The following BRAF variants were observed in gnomAD, a reference collection of about 807,000 sequenced individuals.
BRAF encodes serine/threonine-protein kinase B-raf.
Under a neutral mutation model 104.6 loss-of-function variants are expected in BRAF, and 16 were observed. The observed-to-expected ratio is 0.15, with a 90% CI of 0.10 to 0.23. The LOEUF is 0.23. Among genes scored for constraint, BRAF ranks in the 10% least tolerant of loss-of-function variants. The pLI, the probability that BRAF is intolerant of heterozygous loss-of-function variation, is 1.00. For missense variants in BRAF, 541 were observed against 937.3 expected (o/e 0.58, Z 5.52); for synonymous variants, 310 against 341.6 (o/e 0.91, Z 1.02).
rs145878342 is a variant in BRAF, at chr7:140,912,011, T to C, written c.138+12555A>G. ...CTGTCTAGACAACTCATAAAATAAC[T>C]TAATATTGCCATTAGCCTATAGTCC... On this transcript the variant is annotated intron_variant, in intron 1 of 19. Coordinates refer to ENST00000644969, the MANE Select transcript of BRAF (RefSeq NM_001374258.1). 6.6e-5 allele frequency among the ~76,000 whole-genome samples: 10 copies of C among 152,296 alleles called. No homozygotes were observed. In the East Asian group the frequency reaches 1.7e-3, roughly 26 times the overall value.
intron 2 of BRAF, among the ~76,000 whole-genome samples, chr7:140,846,011 A>G (rs75553856): frequency 0.069 from 10,446 of 152,160 alleles, 403 homozygotes; most frequent in Admixed American, 0.1. Flanking sequence ...ACCGAAAATA[A>G]TAAGTGTTGG....
chr7:140,735,396 A>T (rs1796320681), intron 18 of BRAF, among the ~76,000 whole-genome samples: 1 of 152,272 alleles, frequency 6.6e-6, no homozygotes, highest in South Asian at 2.1e-4. Flanking sequence ...TTTAAGGCAC[A>T]AAGAAACAGG....
chr7:140,774,193 A>G (rs1329606325), intron 14 of BRAF, among the ~76,000 whole-genome samples: 2 of 152,226 alleles, frequency 1.3e-5, no homozygotes, highest in Non-Finnish European at 2.9e-5. Flanking sequence ...AAAACTTGGA[A>G]TTAATACTTT....
intron 14 of BRAF, among the ~76,000 whole-genome samples, chr7:140,762,510 G>A (rs1201692840): frequency 6.7e-6 from 1 of 149,672 alleles, no homozygotes; most frequent in African/African-American, 2.5e-5. Context: ...ACATTCAAAA[G>A]CTAGCAGAAG....
At chr7:140,791,014 T>C (rs1025213762) in intron 8 of BRAF, among the ~76,000 whole-genome samples, 8 of 152,100 alleles carry the variant, frequency 5.3e-5, no homozygotes, top group Admixed American at 2.0e-4. Context: ...GGCAGGAGAA[T>C]TGCTTGAACC....
At chr7:140,912,999 C>T (rs1429307042) in intron 1 of BRAF, among the ~76,000 whole-genome samples, 1 of 152,200 alleles carries the variant, frequency 6.6e-6, no homozygotes, top group Non-Finnish European at 1.5e-5. Flanking sequence ...CTTAAATAGG[C>T]AAGGCACATT....
rs1465052588 is a variant in BRAF, at chr7:140,726,449, A to C, written c.*45T>G. ...TGTTTTGATGTTAACAAATTGTACGAACACAAGACTTAAGAAATAAGAGCA... is the reference window on the plus strand; with the variant it reads ...TGTTTTGATGTTAACAAATTGTACGCACACAAGACTTAAGAAATAAGAGCA... On this transcript the variant is annotated 3_prime_UTR_variant, in exon 20 of 20. Coordinates refer to ENST00000644969, the MANE Select transcript of BRAF (RefSeq NM_001374258.1). 1 of 1,534,534 alleles carries C rather than the reference A, an allele frequency of 6.5e-7. No individual in the cohort carries two copies. Among genetic ancestry groups the C allele is most frequent in the South Asian group, 1.2e-5 (1 of 83,326 alleles).
chr7:140,803,766 T>C (rs557393954), intron 5 of BRAF, among the ~76,000 whole-genome samples: 1 of 152,240 alleles, frequency 6.6e-6, no homozygotes, highest in East Asian at 1.9e-4. Context: ...AGCCAGAAAT[T>C]GCTTAAAATA....
intron 14 of BRAF, among the ~76,000 whole-genome samples, chr7:140,762,505 C>T (rs1447665135): frequency 6.7e-6 from 1 of 149,628 alleles, no homozygotes; most frequent in Admixed American, 6.7e-5. Flanking sequence ...CAAACACATT[C>T]AAAAGCTAGC....
chr7:140,874,208 T>A (rs1811937838), intron 1 of BRAF, among the ~76,000 whole-genome samples: 1 of 150,896 alleles, frequency 6.6e-6, no homozygotes, highest in Non-Finnish European at 1.5e-5. Flanking sequence ...TACATACTTT[T>A]TTTTTTTTTT....
intron 7 of BRAF, among the ~76,000 whole-genome samples, chr7:140,796,286 G>C (rs1465365448): frequency 6.6e-6 from 1 of 150,942 alleles, no homozygotes; most frequent in Non-Finnish European, 1.5e-5. Flanking sequence ...GGGAGGCAGA[G>C]ACTGCAGTGA....
At chr7:140,909,835 AC>A (rs1563032132) in intron 1 of BRAF, among the ~76,000 whole-genome samples, 18 of 151,920 alleles carry the variant, frequency 1.2e-4, no homozygotes, top group African/African-American at 3.1e-4. Context: ...AACAACAACA[AC>A]AACAACAACA....
downstream of BRAF, among the ~76,000 whole-genome samples, chr7:140,717,283 GTTTTT>G (rs1554493282): frequency 6.7e-6 from 1 of 148,736 alleles, no homozygotes; most frequent in South Asian, 2.1e-4. Flanking sequence ...AGTTGGACCA[GTTTTT>G]TTTTTTCTCT....
intron 14 of BRAF, among the ~76,000 whole-genome samples, chr7:140,772,316 A>AACAACAAC: frequency 7.0e-6 from 1 of 143,364 alleles, no homozygotes; most frequent in African/African-American, 2.8e-5. Context: ...ACAACAACAA[A>AACAACAAC]GTTCAATCAA....
intron 12 of BRAF, among the ~76,000 whole-genome samples, chr7:140,778,755 T>G (rs1465826494): frequency 3.3e-5 from 5 of 151,672 alleles, no homozygotes; most frequent in Admixed American, 2.6e-4. Context: ...AAAAACTTTA[T>G]GTGAAACAGC....
At chr7:140,884,172 TATTTTTAA>T (rs1374436021) in intron 1 of BRAF, 2 of 152,068 alleles carry the variant, frequency 1.3e-5, no homozygotes, top group Non-Finnish European at 2.9e-5. Flanking sequence ...AAGCACTCCA[TATTTTTAA>T]AAATTAAAAA....
At chr7:140,781,831 T>C (rs1292304159) in intron 11 of BRAF, 138 bp from the exon 11 acceptor site, 2 of 707,038 alleles carry the variant, frequency 2.8e-6, no homozygotes, top group African/African-American at 3.6e-5. Context: ...GGAAGAATAG[T>C]AGTTAAAAGT....
chr7:140,789,584 T>C (rs1382706716), intron 8 of BRAF, among the ~76,000 whole-genome samples: 1 of 152,232 alleles, frequency 6.6e-6, no homozygotes, highest in African/African-American at 2.4e-5. Flanking sequence ...TCATTAACTT[T>C]CCATTCTTGA....
intron 3 of BRAF, among the ~76,000 whole-genome samples, chr7:140,831,096 G>C (rs1455702949): frequency 6.6e-6 from 1 of 152,112 alleles, no homozygotes; most frequent in Non-Finnish European, 1.5e-5. Flanking sequence ...TGCTATACCT[G>C]GGTAGATAGT....
Sources: gnomAD v4.1 joint callset for allele counts (sites outside exome capture counted in the v4.1 genomes callset) on GRCh38, gnomAD v4.1.1 for gene constraint, MANE v1.5 for transcripts, NCBI Gene and HGNC (gene_info 2026-07-23, HGNC 2026-07-21) for gene names.